Variants in CDK13 observed in about 807,000 individuals in gnomAD.
The protein encoded by CDK13 is cyclin-dependent kinase 13.
A neutral mutation model predicts 137.6 loss-of-function variants in CDK13; 40 were observed. The ratio of observed to expected loss-of-function variants is 0.29; its 90% CI spans 0.23 to 0.38. The LOEUF is 0.38. CDK13 is among the 10% of genes least tolerant of loss of function. CDK13 has a pLI of 1.00. For synonymous variants in CDK13, 869 were observed against 760.1 expected, an observed-to-expected ratio of 1.14 and a Z score of -2.36; for missense variants, 1,704 against 1,951.8, an observed-to-expected ratio of 0.87 and a Z score of 2.39.
chr7:40,004,120 AT>A (rs968901578), intron 5 of CDK13, among the ~76,000 whole-genome samples: 1 of 151,802 alleles, frequency 6.6e-6, no homozygotes, highest in Non-Finnish European at 1.5e-5. Flanking sequence ...TATGAGCTCT[AT>A]TTTTTTTAAT....
chr7:40,077,581 G>A (rs1021379253), intron 9 of CDK13, among the ~76,000 whole-genome samples: 8 of 152,178 alleles, frequency 5.3e-5, no homozygotes, highest in South Asian at 2.1e-4. Flanking sequence ...AGGGCCGGGC[G>A]TGGTGGCTCA....
At position 40,092,893 on chromosome 7, in the gene CDK13, A is replaced by C. The variant is rs2150547271; in HGVS notation, c.3344A>C (p.Asn1115Thr). The C allele has an allele frequency of 6.2e-7, 1 of 1,614,198 alleles. No homozygotes were observed. The highest frequency in any genetic ancestry group is 1.7e-5 in the Admixed American group (1 of 60,028). ...ATGGCTGATTTTGTCCAAGTGTTGA[A>C]CATTAAGGTAAACTCTGAGACTCAA... Reference protein sequence around the residue: ...VNMADFVQVLNIKVNSETQQQ... With the variant: ...VNMADFVQVLTIKVNSETQQQ... Residue 1115 changes from asparagine (N) to threonine (T), a missense_variant, in exon 13 of 14, where the codon AAC becomes ACC. Transcript: ENST00000181839.
At chr7:39,994,402 T>C (rs1002966288) in intron 2 of CDK13, among the ~76,000 whole-genome samples, 1 of 152,166 alleles carries the variant, frequency 6.6e-6, no homozygotes, top group African/African-American at 2.4e-5. Flanking sequence ...TAAAAATTCT[T>C]ACATATATCT....
intron 10 of CDK13, 141 bp downstream of exon 10, chr7:40,078,262 C>A (rs950089295): frequency 2.2e-6 from 1 of 450,120 alleles, no homozygotes; most frequent in Non-Finnish European, 3.9e-6. Context: ...GTTCTGTTTG[C>A]TACATGCAGA....
rs1313773568 is a variant in CDK13 at position 40,092,835 on chromosome 7, C to T, written c.3286C>T (p.Leu1096=). 1.2e-6 allele frequency: 2 copies of T among 1,614,032 alleles called. No individual in the cohort carries two copies. Among genetic ancestry groups the T allele is most frequent in the African/African-American group, 2.7e-5 (2 of 74,910 alleles). ...HLNHSELAIL[L]NLLQSKTSVN... is the part of the protein sequence containing the mutation. ...AAACCACAGTGAATTGGCAATTCTA[C>T]TAAACCTACTACAATCTAAAACAAG... is the stretch of plus-strand genomic sequence containing the variant. Residue 1096 remains leucine, a synonymous_variant, in exon 13 of 14, where the codon CTA becomes TTA. Transcript: ENST00000181839.
intron 1 of CDK13, among the ~76,000 whole-genome samples, chr7:39,967,847 G>C (rs1278713599): frequency 1.3e-5 from 2 of 151,930 alleles, no homozygotes; most frequent in African/African-American, 4.8e-5. Flanking sequence ...TATTGATGAT[G>C]ATGAGCATTT....
Position 39,951,393 on chromosome 7 carries a change from G to A in CDK13, c.752G>A (p.Ser251Asn), listed in dbSNP as rs1452931070. The change falls in exon 1 of 14, where the codon AGC becomes AAC. Residue 251 changes from serine to asparagine, a missense_variant. Ser to Asn is a conservative substitution (Grantham distance 46). Transcript: ENST00000181839. ...ERAEVAKSGS[S>N]SSSGGRRKSA... ...GCCGAGGTCGCCAAGAGCGGCAGCA[G>A]CAGCAGCAGCGGCGGCCGCCGGAAA... The A allele has an allele frequency of 3.9e-6, 6 of 1,524,912 alleles. No individual in the cohort carries two copies. The African/African-American group carries it at 5.7e-5, about 14-fold the overall frequency. 94.5% of individuals were successfully genotyped at this position (1,524,912 alleles called of 1,614,324 possible). A position where few individuals can be genotyped will look rare whatever the true frequency, so the allele number is the denominator to read the frequency against.
intron 5 of CDK13, among the ~76,000 whole-genome samples, chr7:40,007,216 T>C (rs1784811670): frequency 6.6e-6 from 1 of 152,208 alleles, no homozygotes; most frequent in African/African-American, 2.4e-5. Flanking sequence ...TTGAGCACTC[T>C]AGTGTGGAAT....
At chr7:40,013,454 A>T (rs1354276870) in intron 5 of CDK13, among the ~76,000 whole-genome samples, 1 of 152,246 alleles carries the variant, frequency 6.6e-6, no homozygotes, top group South Asian at 2.1e-4. Context: ...GAAGTAATAC[A>T]TGCTACTATT....
At chr7:39,962,836 A>G (rs1473876038) in intron 1 of CDK13, among the ~76,000 whole-genome samples, 1 of 152,230 alleles carries the variant, frequency 6.6e-6, no homozygotes, top group East Asian at 1.9e-4. Context: ...TCAGCTTTCT[A>G]CATAATGCTA....
rs1784381326 is a variant in CDK13, at chr7:39,988,165, C to T, written c.1778C>T (p.Ala593Val). The T allele has an allele frequency of 6.2e-7, 1 of 1,613,854 alleles. No individual in the cohort carries two copies. The highest frequency in any genetic ancestry group is 1.1e-5 in the South Asian group (1 of 91,078). ...KTKPLTPSIG[A>V]KEKEQHVALV... ...AAACCACTTACACCAAGCATAGGAG[C>T]CAAGGAGAAGGAGCAACATGTAGCT... Residue 593 changes from alanine to valine, a missense_variant, in exon 2 of 14, where the codon GCC becomes GTC. Physicochemically the swap from Ala to Val is moderately conservative, Grantham distance 64. Around this residue, in one of 5 missense-constraint regions of CDK13, gnomAD observed 1,051 missense variants for 931.0 expected, o/e 1.13. Coordinates refer to ENST00000181839, the MANE Select transcript of CDK13 (RefSeq NM_003718.5).
chr7:40,078,948 T>C (rs1786605520), intron 11 of CDK13, 97 bp downstream of exon 11: 1 of 385,494 alleles, frequency 2.6e-6, no homozygotes, highest in Non-Finnish European at 3.8e-6. Flanking sequence ...ATTTCATGTC[T>C]GGTTATGAGA....
At chr7:40,013,565 ATAT>A (rs1232009773) in intron 5 of CDK13, among the ~76,000 whole-genome samples, 1 of 152,216 alleles carries the variant, frequency 6.6e-6, no homozygotes, top group Non-Finnish European at 1.5e-5. Flanking sequence ...TAGGTGCCAA[ATAT>A]TATCAGAATA....
chr7:40,068,222 G>A (rs1045346219), intron 9 of CDK13, among the ~76,000 whole-genome samples: 1 of 151,944 alleles, frequency 6.6e-6, no homozygotes, highest in South Asian at 2.1e-4. Context: ...TGATACAGAG[G>A]GTCAAGAAAG....
At chr7:40,092,611 T>A in intron 12 of CDK13, 174 bp from the exon 13 acceptor site, 1 of 580,840 alleles carries the variant, frequency 1.7e-6, no homozygotes, top group Non-Finnish European at 3.0e-6. Flanking sequence ...TATGTACAGG[T>A]ACATTTTAAA....
intron 5 of CDK13, among the ~76,000 whole-genome samples, chr7:40,018,700 A>G (rs1490993131): frequency 6.6e-6 from 1 of 152,156 alleles, no homozygotes; most frequent in Non-Finnish European, 1.5e-5. Context: ...AGTGGGAGCT[A>G]AGCTGTGGGT....
At chr7:40,012,457 A>G (rs1351101684) in intron 5 of CDK13, among the ~76,000 whole-genome samples, 1 of 152,042 alleles carries the variant, frequency 6.6e-6, no homozygotes, top group Non-Finnish European at 1.5e-5. Context: ...AAATTTAACC[A>G]GGTGAGGTGG....
chr7:39,973,140 C>G (rs921302847), intron 1 of CDK13, among the ~76,000 whole-genome samples: 2 of 152,000 alleles, frequency 1.3e-5, no homozygotes, highest in African/African-American at 4.8e-5. Context: ...ACCCCCACTA[C>G]CCCCTCTTTT....
intron 5 of CDK13, among the ~76,000 whole-genome samples, chr7:40,023,290 C>T (rs1037704264): frequency 6.6e-6 from 1 of 151,908 alleles, no homozygotes; most frequent in Non-Finnish European, 1.5e-5. Flanking sequence ...GAGATGAACT[C>T]CTGGCCTCAA....
Sources: gnomAD v4.1 joint callset for allele counts (sites outside exome capture counted in the v4.1 genomes callset) on GRCh38, gnomAD v4.1.1 for gene constraint, gnomAD v4.1.1 regional missense constraint, MANE v1.5 for transcripts, NCBI Gene and HGNC (gene_info 2026-07-23, HGNC 2026-07-21) for gene names.